The following CACNA2D3 variants were observed in gnomAD, a reference collection of about 807,000 sequenced individuals.
CACNA2D3 encodes voltage-dependent calcium channel subunit alpha-2/delta-3.
A neutral mutation model predicts 160.6 loss-of-function variants in CACNA2D3; 60 were observed. The ratio of observed to expected loss-of-function variants is 0.37; its 90% CI spans 0.30 to 0.46. The LOEUF (loss-of-function observed/expected upper bound fraction) is 0.46, where lower values mean the gene tolerates loss of function less well. Among genes scored for constraint, CACNA2D3 ranks in the 20% least tolerant of loss-of-function variants. The pLI is 1.00. For missense variants in CACNA2D3, 1,205 were observed against 1,365.0 expected (o/e 0.88, Z 1.85); for synonymous variants, 558 against 492.9 (o/e 1.13, Z -1.75).
At chr3:54,274,518 A>C (rs368468908) in intron 2 of CACNA2D3, among the ~76,000 whole-genome samples, 10 of 152,198 alleles carry the variant, frequency 6.6e-5, no homozygotes, top group African/African-American at 2.4e-4. Context: ...TCATTGTATT[A>C]GTTATCTATT....
At chr3:54,950,102 T>C (rs1165272212) in intron 27 of CACNA2D3, among the ~76,000 whole-genome samples, 2 of 152,216 alleles carry the variant, frequency 1.3e-5, no homozygotes, top group Non-Finnish European at 2.9e-5. Flanking sequence ...GCGAAGTCTT[T>C]TTCTTTCAAG....
At chr3:54,661,907 A>C (rs1300691460) in intron 11 of CACNA2D3, among the ~76,000 whole-genome samples, 3 of 150,132 alleles carry the variant, frequency 2.0e-5, no homozygotes, top group Non-Finnish European at 4.4e-5. Context: ...AGATAACTCC[A>C]CATCTTCAGT....
intron 3 of CACNA2D3, among the ~76,000 whole-genome samples, chr3:54,328,931 C>A (rs1047052301): frequency 1.3e-5 from 2 of 152,164 alleles, no homozygotes; most frequent in Non-Finnish European, 2.9e-5. Flanking sequence ...GGCTCAATAC[C>A]TAGGGACTGT....
chr3:54,743,687 C>T (rs1016686838), intron 11 of CACNA2D3, among the ~76,000 whole-genome samples: 2 of 152,100 alleles, frequency 1.3e-5, no homozygotes, highest in African/African-American at 4.8e-5. Flanking sequence ...ACTTTTTGTT[C>T]ATGGTATTGA....
chr3:55,052,019 A>G (rs1162074293), intron 35 of CACNA2D3, among the ~76,000 whole-genome samples: 1 of 152,118 alleles, frequency 6.6e-6, no homozygotes, highest in African/African-American at 2.4e-5. Context: ...CTCCCTAGTG[A>G]GATGAACCCG....
intron 13 of CACNA2D3, among the ~76,000 whole-genome samples, chr3:54,811,685 G>C (rs71301901): frequency 6.6e-6 from 1 of 151,576 alleles, no homozygotes; most frequent in Admixed American, 6.6e-5. Flanking sequence ...ATTTTTAGTA[G>C]AGACAGGGTT....
At chr3:54,819,657 C>T (rs1462568267) in intron 14 of CACNA2D3, among the ~76,000 whole-genome samples, 2 of 152,070 alleles carry the variant, frequency 1.3e-5, no homozygotes, top group African/African-American at 4.8e-5. Context: ...CCATCCTGGC[C>T]AACATGGTGA....
intron 35 of CACNA2D3, among the ~76,000 whole-genome samples, chr3:55,045,300 T>G (rs1033613992): frequency 6.6e-6 from 1 of 152,194 alleles, no homozygotes; most frequent in Admixed American, 6.5e-5. Context: ...TCCACCCACC[T>G]CGGCCTCCCA....
chr3:54,196,975 A>G (rs370820415), intron 2 of CACNA2D3, among the ~76,000 whole-genome samples: 2 of 152,218 alleles, frequency 1.3e-5, no homozygotes, highest in African/African-American at 4.8e-5. Flanking sequence ...TTCCCCCACT[A>G]ATGTTTATAT....
chr3:54,436,687 C>G (rs941563244), intron 4 of CACNA2D3, among the ~76,000 whole-genome samples: 11 of 152,176 alleles, frequency 7.2e-5, no homozygotes, highest in Non-Finnish European at 1.6e-4. Flanking sequence ...GAACAGAAAA[C>G]CAAACACTGC....
At chr3:54,913,895 A>G (rs1343080794) in intron 27 of CACNA2D3, among the ~76,000 whole-genome samples, 29 of 152,324 alleles carry the variant, frequency 1.9e-4, no homozygotes, top group Admixed American at 1.3e-4. Context: ...TTTGGTTACT[A>G]TGAGGCTTAG....
chr3:54,369,106 T>A (rs1022336833), intron 3 of CACNA2D3, among the ~76,000 whole-genome samples: 5 of 152,090 alleles, frequency 3.3e-5, no homozygotes, highest in African/African-American at 1.2e-4. Context: ...GTAATAACAA[T>A]AAGTATACAT....
intron 11 of CACNA2D3, among the ~76,000 whole-genome samples, chr3:54,694,475 C>T (rs1700626633): frequency 6.6e-6 from 1 of 152,194 alleles, no homozygotes; most frequent in Non-Finnish European, 1.5e-5. Flanking sequence ...ACTATACACA[C>T]TGATTTTCCT....
At chr3:54,918,991 G>A in intron 27 of CACNA2D3, 1 of 919,912 alleles carries the variant, frequency 1.1e-6, no homozygotes, top group Non-Finnish European at 1.5e-6. Flanking sequence ...AATTTATGAA[G>A]TACCTTTTTT....
In CACNA2D3 at chr3:54,627,768, T is replaced by C. The variant is rs1352324327; in HGVS notation, c.964-19T>C. On this transcript the variant is annotated intron_variant, in intron 9 of 37. Transcript: ENST00000474759. ...ATAACAGGACAGACACTAATGGATTTTCTGCTTTGCTGTTTCAGCACTTCA... is the reference window on the plus strand; with the variant it reads ...ATAACAGGACAGACACTAATGGATTCTCTGCTTTGCTGTTTCAGCACTTCA... The C allele has an allele frequency of 6.4e-7, 1 of 1,564,342 alleles. No homozygotes were observed. The highest frequency in any genetic ancestry group is 8.8e-7 in the Non-Finnish European group (1 of 1,140,664).
At position 55,002,174 on chromosome 3, in the gene CACNA2D3, A is replaced by G. The variant is rs73845244; in HGVS notation, c.2691-2589A>G. On this transcript the variant is annotated intron_variant, in intron 31 of 37. Coordinates refer to ENST00000474759, the MANE Select transcript of CACNA2D3 (RefSeq NM_018398.3). The stretch of plus-strand genomic sequence containing the variant: ...CTCCATATCAAAAAAAAAAAAAAAA[A>G]GAATGTACCCTGTATATACGACAGG... Among the ~76,000 whole-genome samples, 1,218 of 150,284 alleles carry G rather than the reference A, an allele frequency of 8.1e-3. 17 individuals are homozygous for G. Among genetic ancestry groups the G allele is most frequent in the African/African-American group, 0.029 (1,160 of 40,060 alleles).
At chr3:54,812,116 C>T (rs908379867) in intron 13 of CACNA2D3, among the ~76,000 whole-genome samples, 2 of 152,178 alleles carry the variant, frequency 1.3e-5, no homozygotes, top group African/African-American at 2.4e-5. Context: ...CTAGTCATCA[C>T]ATTCACCTTC....
chr3:54,653,490 T>C (rs1268359202), intron 11 of CACNA2D3, among the ~76,000 whole-genome samples: 4 of 152,198 alleles, frequency 2.6e-5, no homozygotes, highest in Non-Finnish European at 5.9e-5. Context: ...ATAGGAACAC[T>C]CATTTCTCAT....
At chr3:54,429,503 G>C (rs1699957343) in intron 4 of CACNA2D3, among the ~76,000 whole-genome samples, 2 of 152,178 alleles carry the variant, frequency 1.3e-5, no homozygotes, top group South Asian at 4.1e-4. Flanking sequence ...GCTAGATCCT[G>C]TTTTCACAGG....
Sources: allele counts gnomAD v4.1 joint callset (sites outside exome capture counted in the v4.1 genomes callset), GRCh38; gene constraint gnomAD v4.1.1; transcripts MANE v1.5; gene names NCBI Gene and HGNC (gene_info 2026-07-23, HGNC 2026-07-21).